The following INVS variants were observed in gnomAD, a reference collection of about 807,000 sequenced individuals.
The protein encoded by INVS is inversin, also known as inversion of embryo turning homolog.
INVS carries 86 observed loss-of-function variants against 108.8 expected under a neutral mutation model. That is an observed-to-expected ratio of 0.79 (90% CI 0.66 to 0.95). The LOEUF is 0.95. INVS is among the 40% of genes least tolerant of loss of function. The probability of loss-of-function intolerance (pLI) is 0.00; values close to 1 mark genes in which losing one functional copy is unlikely to be tolerated. For synonymous variants in INVS, 455 were observed against 473.5 expected, an observed-to-expected ratio of 0.96 and a Z score of 0.51; for missense variants, 1,169 against 1,297.4, an observed-to-expected ratio of 0.90 and a Z score of 1.52.
intron 3 of INVS, among the ~76,000 whole-genome samples, chr9:100,214,254 T>C (rs1447225182): frequency 6.6e-6 from 1 of 152,180 alleles, no homozygotes; most frequent in African/African-American, 2.4e-5. Context: ...TGGTCTGTTA[T>C]CTATTTTGAC....
At chr9:100,243,675 A>G (rs189736618) in intron 7 of INVS, among the ~76,000 whole-genome samples, 115 of 152,254 alleles carry the variant, frequency 7.6e-4, no homozygotes, top group African/African-American at 2.5e-3. Flanking sequence ...TGCCTTCTAC[A>G]TGGGTATGCA....
chr9:100,287,516 T>A (rs1050909027), intron 13 of INVS, among the ~76,000 whole-genome samples: 4 of 152,232 alleles, frequency 2.6e-5, no homozygotes, highest in Non-Finnish European at 5.9e-5. Context: ...TGATATGGAT[T>A]GGCTCTGTGT....
intron 2 of INVS, among the ~76,000 whole-genome samples, chr9:100,111,516 G>T (rs1268337688): frequency 6.6e-6 from 1 of 152,226 alleles, no homozygotes; most frequent in Admixed American, 6.5e-5. Flanking sequence ...GCACCAATTG[G>T]TCATGGATTA....
At chr9:100,198,390 C>T (rs575641338) in intron 3 of INVS, among the ~76,000 whole-genome samples, 38 of 143,970 alleles carry the variant, frequency 2.6e-4, no homozygotes, top group African/African-American at 9.9e-4. Flanking sequence ...CTCTGTCTCC[C>T]GAGTTCAAGC....
At chr9:100,245,622 A>G (rs973774682) in intron 7 of INVS, among the ~76,000 whole-genome samples, 5 of 152,306 alleles carry the variant, frequency 3.3e-5, no homozygotes, top group African/African-American at 1.2e-4. Flanking sequence ...AGGACAATTC[A>G]GTAATAAAGG....
intron 3 of INVS, among the ~76,000 whole-genome samples, chr9:100,127,583 T>G (rs1266434717): frequency 6.6e-6 from 1 of 152,194 alleles, no homozygotes; most frequent in East Asian, 1.9e-4. Context: ...CAGCGGGAAC[T>G]ATTAGAGTTA....
intron 3 of INVS, among the ~76,000 whole-genome samples, chr9:100,202,458 T>C (rs568897465): frequency 3.9e-5 from 6 of 152,192 alleles, no homozygotes; most frequent in Non-Finnish European, 8.8e-5. Flanking sequence ...TTAGAAACAT[T>C]GAGGAAACTG....
intron 3 of INVS, among the ~76,000 whole-genome samples, chr9:100,214,656 C>T (rs1469187699): frequency 6.6e-6 from 1 of 152,206 alleles, no homozygotes; most frequent in Non-Finnish European, 1.5e-5. Context: ...ACGGGGTCCA[C>T]ATTCAGGAGC....
chr9:100,118,954 C>A (rs1271425926), intron 2 of INVS, among the ~76,000 whole-genome samples: 1 of 152,250 alleles, frequency 6.6e-6, no homozygotes, highest in Non-Finnish European at 1.5e-5. Context: ...AGCCACCATG[C>A]CTGGTCTTTC....
At chr9:100,105,512 A>AG (rs767423415) in intron 2 of INVS, among the ~76,000 whole-genome samples, 3 of 152,152 alleles carry the variant, frequency 2.0e-5, no homozygotes, top group Non-Finnish European at 2.9e-5. Context: ...TGTGCTAAAC[A>AG]AACTCCTACT....
At chr9:100,150,495 G>C (rs1295809648) in intron 3 of INVS, among the ~76,000 whole-genome samples, 1 of 152,098 alleles carries the variant, frequency 6.6e-6, no homozygotes, top group African/African-American at 2.4e-5. Context: ...TAAACTCTGG[G>C]CACAGGGCCA....
intron 10 of INVS, among the ~76,000 whole-genome samples, chr9:100,255,270 C>T (rs933470932): frequency 8.5e-5 from 13 of 152,182 alleles, no homozygotes; most frequent in African/African-American, 3.1e-4. Context: ...ATTTTGTATC[C>T]TGAGACTTTG....
chr9:100,283,664 TCTC>T (rs1003852135), intron 12 of INVS, among the ~76,000 whole-genome samples: 2 of 152,112 alleles, frequency 1.3e-5, no homozygotes, highest in Admixed American at 1.3e-4. Context: ...CCTTCTCTGT[TCTC>T]CTGCTACCCA....
Position 100,104,629 on chromosome 9 carries a change from T to A in INVS, c.106+2T>A. 1 of 1,599,578 alleles carries A rather than the reference T, an allele frequency of 6.3e-7. No homozygotes were observed. Among genetic ancestry groups the A allele is most frequent in the Non-Finnish European group, 8.6e-7 (1 of 1,166,720 alleles). On this transcript the variant is annotated splice_donor_variant, in intron 2 of 16. Coordinates refer to ENST00000262457, the MANE Select transcript of INVS (RefSeq NM_014425.5). LOFTEE classifies it high-confidence loss of function. ...GTGCTCTACAGAGGCTCATCGTAGG[T>A]AAGCAGTCCCCTTAAGTACAGAAAC...
chr9:100,297,817 T>C (rs1160887100), intron 15 of INVS, 119 bp from the exon 16 acceptor site: 1 of 1,005,060 alleles, frequency 9.9e-7, no homozygotes, highest in Non-Finnish European at 1.6e-6. Context: ...ACACCATACC[T>C]AACTTATCTT....
Position 100,226,612 on chromosome 9 carries a change from A to C in INVS, c.447+377A>C, listed in dbSNP as rs12000833. On this transcript the variant is annotated intron_variant, in intron 4 of 16. Coordinates refer to ENST00000262457, the MANE Select transcript of INVS (RefSeq NM_014425.5). ...TGGATCAGCTGAGTTCAGGGGTTCA[A>C]GACTGGCCTGGCCAACATAGTGAAA... Among the ~76,000 whole-genome samples, 312 of 152,238 alleles carry C rather than the reference A, an allele frequency of 2.0e-3. 1 individual carries two copies. Among genetic ancestry groups the C allele is most frequent in the African/African-American group, 7.2e-3 (298 of 41,512 alleles).
intron 3 of INVS, among the ~76,000 whole-genome samples, chr9:100,140,497 A>G (rs150550756): frequency 6.6e-6 from 1 of 152,122 alleles, no homozygotes; most frequent in Non-Finnish European, 1.5e-5. Flanking sequence ...TTTGTGGTGG[A>G]ATGTCATCAG....
At chr9:100,221,824 C>T (rs1358097891) in intron 3 of INVS, among the ~76,000 whole-genome samples, 1 of 152,138 alleles carries the variant, frequency 6.6e-6, no homozygotes, top group Non-Finnish European at 1.5e-5. Context: ...ATTCACATAA[C>T]TTTTCATACA....
chr9:100,299,958 T>TTA (rs1833914875), intron 16 of INVS, among the ~76,000 whole-genome samples: 1 of 152,202 alleles, frequency 6.6e-6, no homozygotes, highest in Admixed American at 6.5e-5. Flanking sequence ...ACTAAACCTT[T>TTA]AATGTATTTG....
Sources: gnomAD v4.1 joint callset for allele counts (sites outside exome capture counted in the v4.1 genomes callset) on GRCh38, gnomAD v4.1.1 for gene constraint, MANE v1.5 for transcripts, NCBI Gene and HGNC (gene_info 2026-07-23, HGNC 2026-07-21) for gene names.